The following CRACDL variants were observed in gnomAD, a reference collection of about 807,000 sequenced individuals.
The protein encoded by CRACDL is CRACD-like protein.
A neutral mutation model predicts 70.6 loss-of-function variants in CRACDL; 26 were observed. That is an observed-to-expected ratio of 0.37 (90% CI 0.27 to 0.51). The LOEUF (loss-of-function observed/expected upper bound fraction) is 0.51, where lower values mean the gene tolerates loss of function less well. Among genes scored for constraint, CRACDL ranks in the 20% least tolerant of loss-of-function variants. The pLI is 0.94. For missense variants in CRACDL, 1,283 were observed against 1,376.9 expected (o/e 0.93, Z 1.08); for synonymous variants, 618 against 615.2 (o/e 1.00, Z -0.07).
At chr2:98,807,112 C>G (rs1274494300) in intron 7 of CRACDL, among the ~76,000 whole-genome samples, 1 of 152,218 alleles carries the variant, frequency 6.6e-6, no homozygotes, top group Non-Finnish European at 1.5e-5. Flanking sequence ...TTTCAATCCC[C>G]ATTTTGGATA....
At chr2:98,871,666 C>T (rs1707351132) in intron 1 of CRACDL, among the ~76,000 whole-genome samples, 1 of 152,188 alleles carries the variant, frequency 6.6e-6, no homozygotes, top group South Asian at 2.1e-4. Context: ...GGGAATTTGT[C>T]CTAAGGAGAT....
At chr2:98,906,890 C>T (rs755376616) in intron 1 of CRACDL, among the ~76,000 whole-genome samples, 1 of 152,118 alleles carries the variant, frequency 6.6e-6, no homozygotes, top group Admixed American at 6.5e-5. Context: ...GAGAGTTTAG[C>T]GTGGTCTTGG....
intron 7 of CRACDL, among the ~76,000 whole-genome samples, chr2:98,814,451 C>CT (rs959642323): frequency 6.6e-6 from 1 of 152,070 alleles, no homozygotes; most frequent in East Asian, 1.9e-4. Context: ...ATTTGATGAT[C>CT]TTTTTCATAT....
Position 98,794,490 on chromosome 2 carries a change from C to T in CRACDL, c.*42G>A, listed in dbSNP as rs1444616045. On this transcript the variant is annotated 3_prime_UTR_variant, in exon 10 of 10. Coordinates refer to ENST00000397899, the MANE Select transcript of CRACDL (RefSeq NM_207362.3). ...ACACTGGCAGTTTTTAACTAAGTGG[C>T]TTGTCAGGGTAGTGGACATGCTTTA... 1.9e-6 allele frequency: 3 copies of T among 1,572,836 alleles called. No individual in the cohort carries two copies. The highest frequency in any genetic ancestry group is 2.6e-6 in the Non-Finnish European group (3 of 1,147,710).
intron 6 of CRACDL, among the ~76,000 whole-genome samples, chr2:98,824,880 C>G (rs1041543169): frequency 1.3e-5 from 2 of 152,214 alleles, no homozygotes; most frequent in African/African-American, 4.8e-5. Flanking sequence ...TACAGAAGAA[C>G]TTTCAAAAGC....
At chr2:98,930,534 G>A (rs1709047868) in intron 1 of CRACDL, among the ~76,000 whole-genome samples, 1 of 141,288 alleles carries the variant, frequency 7.1e-6, no homozygotes, top group South Asian at 2.3e-4. Flanking sequence ...CCTCTGTCCT[G>A]TGTCCCCTAC....
intron 5 of CRACDL, among the ~76,000 whole-genome samples, chr2:98,829,374 C>G (rs927193211): frequency 3.3e-5 from 5 of 152,236 alleles, no homozygotes; most frequent in Admixed American, 6.5e-5. Flanking sequence ...ACTCTCACTT[C>G]TGTTTCCACT....
chr2:98,846,874 T>C, intron 1 of CRACDL, 64 bp from the exon 2 acceptor site: 1 of 1,349,702 alleles, frequency 7.4e-7, no homozygotes, highest in Non-Finnish European at 1.1e-6. Context: ...ATGAGTGAAA[T>C]GGTGTTCGTG....
intron 1 of CRACDL, among the ~76,000 whole-genome samples, chr2:98,921,880 T>G (rs1243034776): frequency 6.6e-6 from 1 of 152,160 alleles, no homozygotes; most frequent in Non-Finnish European, 1.5e-5. Context: ...ATGGAGACCC[T>G]GAGTCCCACT....
intron 5 of CRACDL, among the ~76,000 whole-genome samples, chr2:98,830,844 A>G (rs1019517235): frequency 2.6e-5 from 4 of 152,146 alleles, no homozygotes; most frequent in Admixed American, 2.6e-4. Context: ...CTCTCCTCTT[A>G]CTGCCCGTCC....
intron 1 of CRACDL, among the ~76,000 whole-genome samples, chr2:98,900,322 G>A (rs1259683616): frequency 3.6e-5 from 5 of 138,200 alleles, no homozygotes; most frequent in Admixed American, 2.9e-4. Context: ...GGGAGGCAGG[G>A]GGACAAAGGC....
intron 1 of CRACDL, chr2:98,869,003 G>A (rs961964119): frequency 1.5e-5 from 14 of 929,708 alleles, no homozygotes; most frequent in African/African-American, 3.4e-5. Context: ...GGCCACCCAC[G>A]CCCCGGGAGT....
At chr2:98,866,348 T>C (rs1234857041) in intron 1 of CRACDL, among the ~76,000 whole-genome samples, 5 of 152,020 alleles carry the variant, frequency 3.3e-5, no homozygotes, top group African/African-American at 9.7e-5. Flanking sequence ...AGAGATAACA[T>C]GTCACCAGCA....
Position 98,795,077 on chromosome 2 carries a change from A to ATATTTTTTTTTTT in CRACDL, c.2750-407_2750-406insAAAAAAAAAAATA. Among the ~76,000 whole-genome samples, 165 of 58,434 alleles carry ATATTTTTTTTTTT rather than the reference A, an allele frequency of 2.8e-3. 5 individuals carry two copies. Among genetic ancestry groups the ATATTTTTTTTTTT allele is most frequent in the Non-Finnish European group, 4.2e-3 (134 of 32,018 alleles). 38.3% of individuals were successfully genotyped at this position (58,434 alleles called of 152,430 possible). On this transcript the variant is annotated intron_variant, in intron 9 of 9. Transcript: ENST00000397899. ...TATATATATATATATATATATATAT[A>ATATTTTTTTTTTT]TTTTTTTTTTTTTTTGAGACAGAAG...
chr2:98,799,934 T>G (rs1431572545), intron 7 of CRACDL, among the ~76,000 whole-genome samples: 1 of 152,240 alleles, frequency 6.6e-6, no homozygotes, highest in South Asian at 2.1e-4. Context: ...CTGGAACTCC[T>G]GCTTGCTCCT....
intron 1 of CRACDL, among the ~76,000 whole-genome samples, chr2:98,864,908 G>T (rs80135627): frequency 1.3e-5 from 2 of 152,084 alleles, no homozygotes; most frequent in African/African-American, 2.4e-5. Context: ...TCAAAGCTGC[G>T]GAAAAAGGAT....
intron 1 of CRACDL, among the ~76,000 whole-genome samples, chr2:98,854,385 A>T (rs1706616438): frequency 6.7e-6 from 1 of 149,954 alleles, no homozygotes; most frequent in African/African-American, 2.4e-5. Flanking sequence ...CTTCTAAAAA[A>T]TCATCAGAAC....
intron 7 of CRACDL, among the ~76,000 whole-genome samples, chr2:98,804,704 CA>C (rs1197460145): frequency 5.3e-5 from 8 of 152,184 alleles, no homozygotes; most frequent in Non-Finnish European, 1.2e-4. Flanking sequence ...AGATAAGCTT[CA>C]TTCAGGCCTG....
In CRACDL at chr2:98,795,073, A is replaced by AT. The variant is rs1468056572; in HGVS notation, c.2750-403dup. ...TATATATATATATATATATATATATATATATTTTTTTTTTTTTTTGAGACA... is the reference window on the plus strand; with the variant it reads ...TATATATATATATATATATATATATATTATATTTTTTTTTTTTTTTGAGACA... On this transcript the variant is annotated intron_variant, in intron 9 of 9. Coordinates refer to ENST00000397899, the MANE Select transcript of CRACDL (RefSeq NM_207362.3). Among the ~76,000 whole-genome samples, 55 of 20,086 alleles carry AT rather than the reference A, an allele frequency of 2.7e-3. 4 individuals are homozygous for AT. Among genetic ancestry groups the AT allele is most frequent in the African/African-American group, 5.0e-3 (42 of 8,350 alleles). The allele number at this position is 20,086 out of a possible 152,430, so 13.2% of individuals were successfully genotyped here.
Sources: allele counts gnomAD v4.1 joint callset (sites outside exome capture counted in the v4.1 genomes callset), GRCh38; gene constraint gnomAD v4.1.1; transcripts MANE v1.5; gene names NCBI Gene and HGNC (gene_info 2026-07-23, HGNC 2026-07-21).